Variants in KSR2 observed in about 807,000 individuals in gnomAD.
The protein encoded by KSR2 is kinase suppressor of ras 2.
KSR2 carries 25 observed loss-of-function variants against 107.8 expected under a neutral mutation model. The observed-to-expected ratio is 0.23, with a 90% CI of 0.17 to 0.32. The LOEUF is 0.32. KSR2 is among the 10% of genes least tolerant of loss of function. The pLI is 1.00. For synonymous variants in KSR2, 480 were observed against 507.0 expected (o/e 0.95, Z 0.71); for missense variants, 887 against 1,268.9 (o/e 0.70, Z 4.57).
At chr12:117,711,090 C>T (rs993280535) in intron 4 of KSR2, among the ~76,000 whole-genome samples, 1 of 152,170 alleles carries the variant, frequency 6.6e-6, no homozygotes, top group African/African-American at 2.4e-5. Context: ...TTTCCTATCC[C>T]TTATCATAAT....
chr12:117,744,285 A>C (rs1888320390), intron 4 of KSR2, among the ~76,000 whole-genome samples: 1 of 152,176 alleles, frequency 6.6e-6, no homozygotes, highest in African/African-American at 2.4e-5. Flanking sequence ...ACCCTAAAAT[A>C]CATGGAGTAA....
chr12:117,935,780 A>G (rs1158213376), intron 1 of KSR2, among the ~76,000 whole-genome samples: 1 of 151,908 alleles, frequency 6.6e-6, no homozygotes, highest in Non-Finnish European at 1.5e-5. Flanking sequence ...ATAATAAATA[A>G]AGGCTCTCAT....
At chr12:117,580,600 C>T (rs1484437390) in intron 6 of KSR2, among the ~76,000 whole-genome samples, 1 of 152,194 alleles carries the variant, frequency 6.6e-6, no homozygotes, top group East Asian at 1.9e-4. Flanking sequence ...GGGGTGAGTC[C>T]AGTTCTCTCT....
intron 3 of KSR2, among the ~76,000 whole-genome samples, chr12:117,799,511 GA>G (rs564212988): frequency 4.2e-5 from 6 of 143,864 alleles, no homozygotes; most frequent in Admixed American, 6.8e-5. Flanking sequence ...AAAAAAAAAA[GA>G]AAAAAAAAGG....
At chr12:117,937,289 A>T (rs1283487185) in intron 1 of KSR2, among the ~76,000 whole-genome samples, 1 of 152,202 alleles carries the variant, frequency 6.6e-6, no homozygotes, top group Non-Finnish European at 1.5e-5. Flanking sequence ...TGTTAATCAT[A>T]AACCACAAAG....
intron 5 of KSR2, among the ~76,000 whole-genome samples, chr12:117,583,041 A>G (rs957532906): frequency 4.6e-5 from 7 of 152,228 alleles, no homozygotes; most frequent in African/African-American, 7.2e-5. Context: ...TATATTATAG[A>G]TAATTATTTT....
chr12:117,777,817 G>A (rs56296939), intron 3 of KSR2, among the ~76,000 whole-genome samples: 18,379 of 151,948 alleles, frequency 0.12, 2,003 homozygotes, highest in African/African-American at 0.29. Flanking sequence ...GATCACTTGC[G>A]CCCAGGAGTT....
chr12:117,506,843 A>ATGTG (rs574197582), intron 14 of KSR2, among the ~76,000 whole-genome samples: 2 of 151,586 alleles, frequency 1.3e-5, no homozygotes, highest in East Asian at 2.0e-4. Flanking sequence ...TTATATATGT[A>ATGTG]TGTGTGTGTG....
Position 117,838,782 on chromosome 12 carries a change from C to T in KSR2, c.472+16646G>A, listed in dbSNP as rs114319424. ...TACATCAGACCAAAATCTCCCCTGA[C>T]TTAGACATGTATGTATTTGTTTTAA... On this transcript the variant is annotated intron_variant, in intron 3 of 19. Transcript: ENST00000339824. Among the ~76,000 whole-genome samples the T allele has an allele frequency of 1.0e-3, 157 of 152,336 alleles. 1 individual carries two copies. Among genetic ancestry groups the T allele is most frequent in the African/African-American group, 3.6e-3 (151 of 41,574 alleles).
intron 5 of KSR2, among the ~76,000 whole-genome samples, chr12:117,624,561 C>T (rs1283278671): frequency 6.6e-6 from 1 of 151,946 alleles, no homozygotes; most frequent in Non-Finnish European, 1.5e-5. Context: ...GAGACCTGTC[C>T]CACTGGTGTA....
At chr12:117,591,892 C>T (rs1049255098) in intron 5 of KSR2, among the ~76,000 whole-genome samples, 11 of 151,758 alleles carry the variant, frequency 7.2e-5, no homozygotes, top group East Asian at 5.9e-4. Context: ...GCCTGTAATC[C>T]CAGCTACTTG....
intron 1 of KSR2, among the ~76,000 whole-genome samples, chr12:117,931,347 G>A (rs972938825): frequency 6.6e-6 from 1 of 152,136 alleles, no homozygotes; most frequent in African/African-American, 2.4e-5. Flanking sequence ...GCCTGCAGGT[G>A]AAGAATAGAT....
intron 1 of KSR2, among the ~76,000 whole-genome samples, chr12:117,956,807 G>A: frequency 6.6e-6 from 1 of 151,958 alleles, no homozygotes. Context: ...TTGGAATCTG[G>A]TGTGTATTTG....
At chr12:117,712,753 C>T (rs1301069103) in intron 4 of KSR2, among the ~76,000 whole-genome samples, 2 of 152,180 alleles carry the variant, frequency 1.3e-5, no homozygotes, top group East Asian at 1.9e-4. Context: ...AGTCACATAG[C>T]CAATTCTTGA....
Position 117,892,521 on chromosome 12 carries a change from G to T in KSR2, c.181-32090C>A, listed in dbSNP as rs895059995. On this transcript the variant is annotated intron_variant, in intron 1 of 19. Transcript: ENST00000339824. ...TTTCAAAGCATTTTTTCCCATACTGGCTTCTGGGAAAAGGTAGAAATTCCT... is the reference window on the plus strand; with the variant it reads ...TTTCAAAGCATTTTTTCCCATACTGTCTTCTGGGAAAAGGTAGAAATTCCT... 7.2e-5 allele frequency among the ~76,000 whole-genome samples: 11 copies of T among 151,924 alleles called. No individual in the cohort carries two copies. In the East Asian group the frequency reaches 2.1e-3, roughly 29 times the overall value.
At chr12:117,496,100 C>T (rs1167613042) in intron 14 of KSR2, among the ~76,000 whole-genome samples, 1 of 150,352 alleles carries the variant, frequency 6.7e-6, no homozygotes, top group Non-Finnish European at 1.5e-5. Flanking sequence ...GCTCTGGGCT[C>T]TTCAAAGACT....
At chr12:117,943,945 G>A (rs1896094238) in intron 1 of KSR2, among the ~76,000 whole-genome samples, 2 of 152,142 alleles carry the variant, frequency 1.3e-5, no homozygotes, top group Admixed American at 1.3e-4. Context: ...GTCATGTTAA[G>A]ACGTGCCTTT....
chr12:117,941,474 C>T (rs1896003496), intron 1 of KSR2, among the ~76,000 whole-genome samples: 1 of 152,142 alleles, frequency 6.6e-6, no homozygotes, highest in South Asian at 2.1e-4. Context: ...AAGCCTGCTT[C>T]CAGCCTCTTA....
At chr12:117,639,990 A>G (rs546675024) in intron 5 of KSR2, among the ~76,000 whole-genome samples, 17 of 152,244 alleles carry the variant, frequency 1.1e-4, no homozygotes, top group Non-Finnish European at 2.1e-4. Flanking sequence ...GGGGAAGTGG[A>G]AAAATCCTCA....
Sources: allele counts gnomAD v4.1 joint callset (sites outside exome capture counted in the v4.1 genomes callset), GRCh38; gene constraint gnomAD v4.1.1; transcripts MANE v1.5; gene names NCBI Gene and HGNC (gene_info 2026-07-23, HGNC 2026-07-21).